EVC2: variants seen among roughly 807,000 people sequenced by gnomAD.
EVC2 encodes EvC ciliary complex subunit 2.
In EVC2, 148 loss-of-function variants were observed where a neutral mutation model predicts 149.3. The ratio of observed to expected loss-of-function variants is 0.99; its 90% CI spans 0.87 to 1.14. The LOEUF (loss-of-function observed/expected upper bound fraction) is 1.14, where lower values mean the gene tolerates loss of function less well. Among genes scored for constraint, EVC2 ranks in the 50% most tolerant of loss-of-function variants. EVC2 has a pLI of 0.00. For synonymous variants in EVC2, 776 were observed against 649.9 expected (o/e 1.19, Z -2.95); for missense variants, 1,854 against 1,627.3 (o/e 1.14, Z -2.40).
chr4:5,689,375 T>C (rs1242452573), intron 4 of EVC2, 32 bp from the exon 5 acceptor site: 5 of 1,612,510 alleles, frequency 3.1e-6, no homozygotes, highest in African/African-American at 2.7e-5. Context: ...TGAGGGCAGA[T>C]TTGCTGACAA....
chr4:5,695,305 GC>G (rs1487820081), intron 2 of EVC2, among the ~76,000 whole-genome samples: 9 of 150,366 alleles, frequency 6.0e-5, no homozygotes, highest in African/African-American at 2.0e-4. Flanking sequence ...CCGAGATCAT[GC>G]CACTGCACTC....
chr4:5,690,784 T>C (rs1721070349), intron 4 of EVC2, among the ~76,000 whole-genome samples: 1 of 152,178 alleles, frequency 6.6e-6, no homozygotes. Context: ...CTATACCCTT[T>C]CTCTGTAATG....
intron 9 of EVC2, among the ~76,000 whole-genome samples, chr4:5,641,840 G>A (rs1428380576): frequency 6.6e-6 from 1 of 152,136 alleles, no homozygotes; most frequent in Non-Finnish European, 1.5e-5. Context: ...TGTTACACAG[G>A]TTTACATGTG....
chr4:5,694,204 C>A, intron 3 of EVC2, 131 bp downstream of exon 3: 1 of 894,602 alleles, frequency 1.1e-6, no homozygotes, highest in South Asian at 1.5e-5. Flanking sequence ...CCAGTGATAA[C>A]TATATTTAGT....
intron 9 of EVC2, among the ~76,000 whole-genome samples, chr4:5,652,258 C>T (rs370518628): frequency 6.6e-6 from 1 of 152,206 alleles, no homozygotes; most frequent in Non-Finnish European, 1.5e-5. Flanking sequence ...AAGTCCCACG[C>T]AGGGACCAGT....
At chr4:5,634,020 C>T (rs774146603) in intron 10 of EVC2, among the ~76,000 whole-genome samples, 10 of 152,210 alleles carry the variant, frequency 6.6e-5, no homozygotes. Context: ...CAAGGGCCAA[C>T]ACATGGCATC....
At chr4:5,698,483 C>G (rs931410677) in intron 1 of EVC2, among the ~76,000 whole-genome samples, 1 of 152,214 alleles carries the variant, frequency 6.6e-6, no homozygotes, top group African/African-American at 2.4e-5. Flanking sequence ...CGAGTCTGCT[C>G]AGCCTCATTG....
Position 5,618,317 on chromosome 4 carries a change from G to C in EVC2, c.2706+161C>G, listed in dbSNP as rs1715420705. 6.6e-6 allele frequency among the ~76,000 whole-genome samples: 1 copy of C among 152,198 alleles called. No individual in the cohort carries two copies. The highest frequency in any genetic ancestry group is 1.5e-5 in the Non-Finnish European group (1 of 68,042). ...AGACTTTAAAGTTGGGACAGCCCTG[G>C]AGATTCCTGGAATAGCTGGACACCA... On this transcript the variant is annotated intron_variant, in intron 15 of 21. Transcript: ENST00000344408. This position sits in a 1 kb window ranked among gnomAD's most constrained non-coding sequence, Gnocchi z 4.4.
intron 1 of EVC2, among the ~76,000 whole-genome samples, chr4:5,700,710 G>T (rs1336972242): frequency 1.3e-5 from 2 of 152,132 alleles, no homozygotes; most frequent in Non-Finnish European, 2.9e-5. Context: ...CAGCCACTCT[G>T]GGCAACCGCT....
chr4:5,598,818 C>A (rs1270257256), intron 16 of EVC2, among the ~76,000 whole-genome samples: 1 of 152,090 alleles, frequency 6.6e-6, no homozygotes, highest in East Asian at 1.9e-4. Context: ...GCAACCTACT[C>A]ATCAGACAAA....
intron 1 of EVC2, among the ~76,000 whole-genome samples, chr4:5,707,122 G>A (rs1722254359): frequency 6.6e-6 from 1 of 152,154 alleles, no homozygotes; most frequent in African/African-American, 2.4e-5. Context: ...CAGGCCTGGG[G>A]ACGCGGCTCC....
intron 1 of EVC2, among the ~76,000 whole-genome samples, chr4:5,705,703 T>C (rs1722087877): frequency 6.6e-6 from 1 of 152,142 alleles, no homozygotes; most frequent in Non-Finnish European, 1.5e-5. Context: ...TGCTGCAACA[T>C]CACACTTCCT....
Position 5,696,518 on chromosome 4 carries a change from C to CCA in EVC2, c.283+1074_283+1075insTG, listed in dbSNP as rs1721488834. Among the ~76,000 whole-genome samples, 5 of 152,226 alleles carry CCA rather than the reference C, an allele frequency of 3.3e-5. No individual in the cohort carries two copies. The highest frequency in any genetic ancestry group is 3.3e-4 in the Admixed American group (5 of 15,288). ...CTGAGCCCAGGGGCCTGCACTGGAA[C>CCA]TGTCACAGCCGCTGGGAAGTCTGCG... On this transcript the variant is annotated intron_variant, in intron 2 of 21. Transcript: ENST00000344408. This position sits in a 1 kb window ranked among gnomAD's most constrained non-coding sequence, Gnocchi z 4.1.
chr4:5,665,625 C>T lies in EVC2; in HGVS notation c.895G>A (p.Ala299Thr), dbSNP rs947564024. 9.9e-6 allele frequency: 16 copies of T among 1,614,066 alleles called. No homozygotes were observed. The highest frequency in any genetic ancestry group is 9.9e-5 in the South Asian group (9 of 91,082). Residue 299 changes from alanine (A) to threonine (T), a missense_variant, in exon 8 of 22, where the codon GCA (alanine) becomes ACA (threonine). Transcript: ENST00000344408. ...AGGAAGGCAATGAAGAACCCTGCTG[C>T]GTGGAGGCCGTGGTGCGGCAGAACC... ...VTVLPHHGLH[A>T]AGFFIAFLLS... is the part of the protein sequence containing the mutation.
At chr4:5,529,608 C>A in the EVC2 span, among the ~76,000 whole-genome samples, 4,326 of 152,224 alleles carry the variant, frequency 0.028, 213 homozygotes, top group African/African-American at 0.098. This position sits in a 1 kb window ranked among gnomAD's most constrained non-coding sequence, Gnocchi z 4.5. Context: ...TGGTTCTAGA[C>A]ACATAGTAGG....
intron 9 of EVC2, among the ~76,000 whole-genome samples, chr4:5,652,877 T>A (rs1371897073): frequency 6.6e-6 from 1 of 152,156 alleles, no homozygotes; most frequent in Non-Finnish European, 1.5e-5. Flanking sequence ...TTTCCTAGGG[T>A]ACTTTCCTAT....
chr4:5,623,374 C>T (rs1292707764), intron 13 of EVC2, among the ~76,000 whole-genome samples: 1 of 151,760 alleles, frequency 6.6e-6, no homozygotes, highest in African/African-American at 2.4e-5. Flanking sequence ...GGGTCTCCTT[C>T]TGTCGCCCAG....
In EVC2 at chr4:5,618,687, G is replaced by T; in HGVS notation, c.2502-5C>A. 1 of 1,585,284 alleles carries T rather than the reference G, an allele frequency of 6.3e-7. No individual in the cohort carries two copies. Among genetic ancestry groups the T allele is most frequent in the Non-Finnish European group, 8.6e-7 (1 of 1,165,176 alleles). Reference sequence around the variant, plus strand: ...AAGACTGAGGAGCAGAGCTTCCTGGGAGGAAGAACAGAGACACACTCTTAA... The same window carrying T: ...AAGACTGAGGAGCAGAGCTTCCTGGTAGGAAGAACAGAGACACACTCTTAA... On this transcript the variant is annotated splice_region_variant and splice_polypyrimidine_tract_variant and intron_variant, in intron 14 of 21. Coordinates refer to ENST00000344408, the MANE Select transcript of EVC2 (RefSeq NM_147127.5). The surrounding 1 kb of genome is among the most constrained non-coding windows in gnomAD (Gnocchi z 4.4).
intron 5 of EVC2, among the ~76,000 whole-genome samples, chr4:5,688,511 A>G (rs1306300130): frequency 1.3e-5 from 2 of 152,260 alleles, no homozygotes; most frequent in South Asian, 2.1e-4. Flanking sequence ...CTCCTAGGGA[A>G]ACTAAGTTCT....
Sources: allele counts gnomAD v4.1 joint callset (sites outside exome capture counted in the v4.1 genomes callset), GRCh38; gene constraint gnomAD v4.1.1; non-coding constraint Gnocchi (gnomAD v3.1); transcripts MANE v1.5; gene names NCBI Gene and HGNC (gene_info 2026-07-23, HGNC 2026-07-21).